PCDHA10: variants seen among roughly 807,000 people sequenced by gnomAD.
PCDHA10 encodes protocadherin alpha-10.
A neutral mutation model predicts 61.2 loss-of-function variants in PCDHA10; 45 were observed. That is an observed-to-expected ratio of 0.74 (90% CI 0.58 to 0.94). PCDHA10 has a LOEUF of 0.94. Ranked by LOEUF, PCDHA10 falls within the 40% of genes least tolerant of loss-of-function variation. The pLI, the probability that PCDHA10 is intolerant of heterozygous loss-of-function variation, is 0.00. For synonymous variants in PCDHA10, 602 were observed against 548.8 expected (o/e 1.10, Z -1.35); for missense variants, 1,278 against 1,236.2 (o/e 1.03, Z -0.51).
chr5:140,877,558 A>T, intron 1 of PCDHA10: 1 of 1,613,746 alleles, frequency 6.2e-7, no homozygotes, highest in Non-Finnish European at 8.5e-7. Flanking sequence ...TCTGGTGGAT[A>T]TTAACGTGTA....
Position 140,983,978 on chromosome 5 carries a change from G to A in PCDHA10, c.2536+1415G>A, listed in dbSNP as rs529150173. Among the ~76,000 whole-genome samples the A allele has an allele frequency of 5.3e-5, 8 of 152,266 alleles. No individual in the cohort carries two copies. The South Asian group carries it at 1.5e-3, about 28-fold the overall frequency. Reference sequence around the variant, plus strand: ...AGTCACATTTGTCCAAAAAATATACGAGTTGAAGCAATTCATTAGAGAGCT... The same window carrying A: ...AGTCACATTTGTCCAAAAAATATACAAGTTGAAGCAATTCATTAGAGAGCT... On this transcript the variant is annotated intron_variant, in intron 3 of 3. Transcript: ENST00000307360.
At chr5:140,868,767 C>A in intron 1 of PCDHA10, 1 of 249,464 alleles carries the variant, frequency 4.0e-6, no homozygotes, top group East Asian at 8.4e-5. Context: ...TATTTAGTTT[C>A]AATATGACTT....
intron 1 of PCDHA10, among the ~76,000 whole-genome samples, chr5:140,963,165 A>G (rs775997183): frequency 2.6e-5 from 4 of 152,110 alleles, no homozygotes; most frequent in Non-Finnish European, 5.9e-5. Flanking sequence ...GACACATGCC[A>G]TCTTACAGAT....
At chr5:140,874,397 T>A (rs1447759550) in intron 1 of PCDHA10, among the ~76,000 whole-genome samples, 3 of 152,230 alleles carry the variant, frequency 2.0e-5, no homozygotes, top group African/African-American at 7.2e-5. Flanking sequence ...CCCCCTTGCA[T>A]AACAGTCACC....
chr5:140,870,829 G>A, intron 1 of PCDHA10: 1 of 1,613,790 alleles, frequency 6.2e-7, no homozygotes, highest in Non-Finnish European at 8.5e-7. Context: ...GGGAGGCGCA[G>A]TTAACAAGCT....
intron 3 of PCDHA10, among the ~76,000 whole-genome samples, chr5:141,000,885 G>C (rs1213239926): frequency 6.6e-6 from 1 of 151,922 alleles, no homozygotes; most frequent in African/African-American, 2.4e-5. Context: ...TCCAACCTGG[G>C]CAACAGATAT....
At chr5:140,927,657 T>A (rs1161396429) in intron 1 of PCDHA10, 6 of 1,614,050 alleles carry the variant, frequency 3.7e-6, no homozygotes, top group Non-Finnish European at 5.1e-6. Flanking sequence ...TATTCCGAGT[T>A]CAAGCCTTGG....
intron 3 of PCDHA10, among the ~76,000 whole-genome samples, chr5:141,000,018 A>G (rs2097889437): frequency 6.6e-6 from 1 of 152,038 alleles, no homozygotes; most frequent in East Asian, 1.9e-4. Flanking sequence ...CCCCATTGCT[A>G]AGCCTGACAT....
rs371705947 is a variant in PCDHA10, at chr5:140,967,473, C to T, written c.2389-11476C>T. The T allele has an allele frequency of 6.6e-5, 107 of 1,613,362 alleles. No homozygotes were observed. The highest frequency in any genetic ancestry group is 6.6e-4 in the Middle Eastern group (4 of 6,058). On this transcript the variant is annotated intron_variant, in intron 1 of 3. Coordinates refer to ENST00000307360, the MANE Select transcript of PCDHA10 (RefSeq NM_018901.4). The stretch of plus-strand genomic sequence containing the variant: ...ACAGCCGTGGATGGGGGCATCCCAG[C>T]CCGCTCGGGTACGGCACAGATCTCT...
chr5:140,929,022 C>T (rs17844367), intron 1 of PCDHA10: 4 of 1,614,172 alleles, frequency 2.5e-6, no homozygotes, highest in Admixed American at 3.3e-5. Context: ...TGCACCAGAG[C>T]CCAGGCTGTT....
intron 1 of PCDHA10, chr5:140,882,118 T>G: frequency 1.4e-6 from 2 of 1,431,994 alleles, no homozygotes; most frequent in Non-Finnish European, 9.4e-7. Context: ...AAGCCGCCGT[T>G]TCTTTCTTCC....
At chr5:140,912,721 A>G (rs377668484) in intron 1 of PCDHA10, among the ~76,000 whole-genome samples, 2 of 152,066 alleles carry the variant, frequency 1.3e-5, no homozygotes, top group East Asian at 1.9e-4. Flanking sequence ...TCTCCATTCA[A>G]TATGATGTTG....
chr5:140,979,157 A>G (rs2096837413), intron 2 of PCDHA10, 150 bp downstream of exon 2: 9 of 1,429,186 alleles, frequency 6.3e-6, no homozygotes, highest in Non-Finnish European at 8.3e-6. Context: ...CCCCATGTTT[A>G]TTCCTTGAAA....
At chr5:140,980,553 C>G (rs1554241953) in intron 2 of PCDHA10, among the ~76,000 whole-genome samples, 1 of 152,062 alleles carries the variant, frequency 6.6e-6, no homozygotes, top group Admixed American at 6.6e-5. Context: ...TCGCTTGAAC[C>G]CGGGAGGCGG....
intron 1 of PCDHA10, chr5:140,883,896 C>G (rs199847007): frequency 6.2e-7 from 1 of 1,613,386 alleles, no homozygotes; most frequent in African/African-American, 1.3e-5. Context: ...TCTGGCGTGC[C>G]GCCTCTGGGC....
intron 1 of PCDHA10, chr5:140,884,206 C>A: frequency 6.2e-7 from 1 of 1,613,542 alleles, no homozygotes; most frequent in Admixed American, 1.7e-5. Flanking sequence ...CGCACCACCG[C>A]CTTCTGGTGC....
intron 1 of PCDHA10, 119 bp from the exon 2 acceptor site, chr5:140,978,830 C>A: frequency 1.3e-6 from 2 of 1,535,340 alleles, no homozygotes; most frequent in Non-Finnish European, 1.8e-6. Context: ...TGAAATGGCT[C>A]ATTCAATACT....
chr5:140,889,063 A>G (rs1423499022), intron 1 of PCDHA10, among the ~76,000 whole-genome samples: 2 of 151,938 alleles, frequency 1.3e-5, no homozygotes, highest in Non-Finnish European at 2.9e-5. Context: ...CTTTTAATAT[A>G]CTACTTATTT....
intron 1 of PCDHA10, chr5:140,877,410 C>G (rs1339534741): frequency 7.4e-6 from 12 of 1,613,922 alleles, no homozygotes; most frequent in Non-Finnish European, 9.3e-6. Context: ...CGCGCCACCG[C>G]CTGCTGGTGC....
Sources: allele counts gnomAD v4.1 joint callset (sites outside exome capture counted in the v4.1 genomes callset), GRCh38; gene constraint gnomAD v4.1.1; transcripts MANE v1.5; gene names NCBI Gene and HGNC (gene_info 2026-07-23, HGNC 2026-07-21).